The following WDPCP variants were observed in gnomAD, a reference collection of about 807,000 sequenced individuals.
The protein encoded by WDPCP is WD repeat containing planar cell polarity effector.
WDPCP carries 71 observed loss-of-function variants against 93.1 expected under a neutral mutation model. That is an observed-to-expected ratio of 0.76 (90% confidence interval 0.63 to 0.93). The LOEUF (loss-of-function observed/expected upper bound fraction) is 0.93, where lower values mean the gene tolerates loss of function less well. Among genes scored for constraint, WDPCP ranks in the 40% least tolerant of loss-of-function variants. The pLI, the probability that WDPCP is intolerant of heterozygous loss-of-function variation, is 0.00. For missense variants in WDPCP, 844 were observed against 887.4 expected (o/e 0.95, Z 0.62); for synonymous variants, 315 against 315.0 (o/e 1.00, Z 0.00).
At chr2:63,460,843 G>A (rs1698957907) in intron 6 of WDPCP, among the ~76,000 whole-genome samples, 1 of 151,958 alleles carries the variant, frequency 6.6e-6, no homozygotes, top group South Asian at 2.1e-4. Flanking sequence ...AGCCAGGATG[G>A]TCTTCATCTC....
At chr2:63,317,436 A>T (rs1686736189) in intron 12 of WDPCP, among the ~76,000 whole-genome samples, 1 of 151,492 alleles carries the variant, frequency 6.6e-6, no homozygotes. Context: ...ATATGGAACC[A>T]AAAAAAGCCT....
chr2:63,779,603 C>T (rs776563063), intron 2 of WDPCP, among the ~76,000 whole-genome samples: 7 of 152,096 alleles, frequency 4.6e-5, no homozygotes, highest in Non-Finnish European at 8.8e-5. Context: ...CCCACACCTC[C>T]CTTCTGAGGA....
At chr2:63,334,014 T>C (rs1333123412) in intron 12 of WDPCP, among the ~76,000 whole-genome samples, 1 of 152,216 alleles carries the variant, frequency 6.6e-6, no homozygotes, top group African/African-American at 2.4e-5. Flanking sequence ...TTCATATGAA[T>C]TCATAGATTG....
intron 2 of WDPCP, among the ~76,000 whole-genome samples, chr2:63,799,798 G>C (rs2104030165): frequency 6.6e-6 from 1 of 152,214 alleles, no homozygotes; most frequent in South Asian, 2.1e-4. Context: ...ATATGTCAGA[G>C]AGTGTTGGTC....
At chr2:63,696,479 A>C (rs556786472) in intron 2 of WDPCP, among the ~76,000 whole-genome samples, 1 of 152,294 alleles carries the variant, frequency 6.6e-6, no homozygotes, top group African/African-American at 2.4e-5. Flanking sequence ...AGAAACCAGA[A>C]GGGGTCCCTT....
At chr2:63,335,159 C>T (rs1208384146) in intron 12 of WDPCP, among the ~76,000 whole-genome samples, 4 of 152,108 alleles carry the variant, frequency 2.6e-5, no homozygotes, top group Admixed American at 2.6e-4. Flanking sequence ...CAAAAGAATG[C>T]AACCCCTTGC....
chr2:63,254,763 TG>T (rs933703960), intron 14 of WDPCP, among the ~76,000 whole-genome samples: 79 of 152,242 alleles, frequency 5.2e-4, no homozygotes, highest in African/African-American at 1.8e-3. Flanking sequence ...CATGTTCAAA[TG>T]TATCCTTTCT....
At chr2:63,438,032 G>T (rs988427839) in intron 7 of WDPCP, 3 of 1,264,346 alleles carry the variant, frequency 2.4e-6, no homozygotes, top group African/African-American at 1.5e-5. Flanking sequence ...TCTTTTAGGG[G>T]TATACAAGCT....
At chr2:63,519,335 T>G (rs1202152810) in intron 1 of WDPCP, 1 of 152,390 alleles carries the variant, frequency 6.6e-6, no homozygotes, top group African/African-American at 2.4e-5. Context: ...GTCACCCCCA[T>G]GCCAATATCA....
intron 13 of WDPCP, among the ~76,000 whole-genome samples, chr2:63,279,337 T>A (rs186531150): frequency 5.3e-4 from 80 of 151,880 alleles, no homozygotes; most frequent in Non-Finnish European, 4.1e-4. Context: ...ATATACCACA[T>A]AAACACAATT....
At chr2:63,265,758 C>T (rs1018733153) in intron 13 of WDPCP, among the ~76,000 whole-genome samples, 26 of 152,064 alleles carry the variant, frequency 1.7e-4, no homozygotes, top group African/African-American at 6.3e-4. Flanking sequence ...TGCAAAAATC[C>T]TCAACAAAAT....
intron 3 of WDPCP, chr2:63,597,555 AC>A: frequency 7.0e-7 from 1 of 1,428,766 alleles, no homozygotes; most frequent in Non-Finnish European, 9.3e-7. Flanking sequence ...TTAGATAAAT[AC>A]GCCAAGAAGT....
intron 3 of WDPCP, among the ~76,000 whole-genome samples, chr2:63,636,076 CA>C (rs1709917075): frequency 6.6e-6 from 1 of 151,778 alleles, no homozygotes; most frequent in Non-Finnish European, 1.5e-5. Context: ...AGGAACTATC[CA>C]AAAAACAAAT....
chr2:63,477,216 T>C (rs1434045398), intron 6 of WDPCP, among the ~76,000 whole-genome samples: 1 of 152,126 alleles, frequency 6.6e-6, no homozygotes, highest in Non-Finnish European at 1.5e-5. Flanking sequence ...TAATGAACAA[T>C]TTAATAGTAT....
intron 12 of WDPCP, among the ~76,000 whole-genome samples, chr2:63,343,663 G>A (rs1689003393): frequency 1.3e-5 from 2 of 151,950 alleles, no homozygotes; most frequent in Admixed American, 1.3e-4. Context: ...TAATATATAT[G>A]CTGCTATGCT....
At chr2:63,825,990 C>T (rs1254474497) in intron 1 of WDPCP, among the ~76,000 whole-genome samples, 2 of 152,042 alleles carry the variant, frequency 1.3e-5, no homozygotes, top group African/African-American at 4.8e-5. Context: ...CCTGCATTAT[C>T]TTTTTTTAAA....
intron 14 of WDPCP, among the ~76,000 whole-genome samples, chr2:63,244,420 A>C (rs553044388): frequency 6.6e-6 from 1 of 152,286 alleles, no homozygotes; most frequent in South Asian, 2.1e-4. Flanking sequence ...GATCAATGAA[A>C]CCAAAAGTTG....
At chr2:63,527,874 A>C (rs1248119909) in intron 1 of WDPCP, among the ~76,000 whole-genome samples, 1 of 152,062 alleles carries the variant, frequency 6.6e-6, no homozygotes, top group Non-Finnish European at 1.5e-5. Flanking sequence ...CAGCCTCTCC[A>C]AGACCTGTTG....
chr2:63,588,172 C>G, intron 1 of WDPCP, 25 bp downstream of exon 1: 1 of 1,554,370 alleles, frequency 6.4e-7, no homozygotes, highest in Non-Finnish European at 8.7e-7. Context: ...AAAAGAAAAC[C>G]CCTTGCCCTC....
Sources: gnomAD v4.1 joint callset for allele counts (sites outside exome capture counted in the v4.1 genomes callset) on GRCh38, gnomAD v4.1.1 for gene constraint, MANE v1.5 for transcripts, NCBI Gene and HGNC (gene_info 2026-07-23, HGNC 2026-07-21) for gene names.